Variants in OSBPL1A observed in about 807,000 individuals in gnomAD.
OSBPL1A encodes oxysterol-binding protein-related protein 1.
OSBPL1A carries 80 observed loss-of-function variants against 137.1 expected under a neutral mutation model. That is an observed-to-expected ratio of 0.58 (90% CI 0.49 to 0.70). OSBPL1A has a LOEUF of 0.70. Among genes scored for constraint, OSBPL1A ranks in the 30% least tolerant of loss-of-function variants. The pLI, the probability that OSBPL1A is intolerant of heterozygous loss-of-function variation, is 0.00. For missense variants in OSBPL1A, 970 were observed against 1,129.4 expected, an observed-to-expected ratio of 0.86 and a Z score of 2.02; for synonymous variants, 365 against 389.7, an observed-to-expected ratio of 0.94 and a Z score of 0.75.
chr18:24,334,966 T>G (rs1215092993), intron 5 of OSBPL1A, among the ~76,000 whole-genome samples: 1 of 152,126 alleles, frequency 6.6e-6, no homozygotes, highest in Non-Finnish European at 1.5e-5. Flanking sequence ...CATAGCTCAT[T>G]GCAGCTTCAA....
In OSBPL1A at chr18:24,282,878, G is replaced by A. The variant is rs115686986; in HGVS notation, c.1175-1930C>T. Among the ~76,000 whole-genome samples, 166 of 152,258 alleles carry A rather than the reference G, an allele frequency of 1.1e-3. 1 individual carries two copies. Among genetic ancestry groups the A allele is most frequent in the African/African-American group, 3.7e-3 (155 of 41,550 alleles). ...AATCCTCGCACTTTGAGAGGCCAAG[G>A]TAAAAGGATCACTTGAGGCCAGGAG... On this transcript the variant is annotated intron_variant, in intron 14 of 27. Coordinates refer to ENST00000319481, the MANE Select transcript of OSBPL1A (RefSeq NM_080597.4).
In OSBPL1A at chr18:24,177,503, C is replaced by T. The variant is rs191187533; in HGVS notation, c.2093+510G>A. Among the ~76,000 whole-genome samples, 15 of 152,182 alleles carry T rather than the reference C, an allele frequency of 9.9e-5. 1 individual carries two copies. The East Asian group carries it at 2.7e-3, about 27-fold the overall frequency. ...TTGGGTTGTTGCTTTGTCTTCTGTC[C>T]GGGGTATCTAGTTGTAATCAGTGTT... On this transcript the variant is annotated intron_variant, in intron 21 of 27. Transcript: ENST00000319481.
intron 15 of OSBPL1A, among the ~76,000 whole-genome samples, chr18:24,258,315 A>G (rs1487283347): frequency 6.6e-6 from 1 of 152,232 alleles, no homozygotes; most frequent in African/African-American, 2.4e-5. Context: ...TATCATTTGC[A>G]ACAACATGGA....
Position 24,339,129 on chromosome 18 carries a change from G to A in OSBPL1A, c.394+2418C>T, listed in dbSNP as rs142049602. Reference sequence around the variant, plus strand: ...TGGGATTACAGGTGTCCACTACTACGCCCAGCTAATTTTTGTATTTTTAGT... The same window carrying A: ...TGGGATTACAGGTGTCCACTACTACACCCAGCTAATTTTTGTATTTTTAGT... On this transcript the variant is annotated intron_variant, in intron 5 of 27. Transcript: ENST00000319481. Among the ~76,000 whole-genome samples, 816 of 152,134 alleles carry A rather than the reference G, an allele frequency of 5.4e-3. 6 individuals are homozygous for A. Among genetic ancestry groups the A allele is most frequent in the African/African-American group, 0.018 (749 of 41,502 alleles).
At chr18:24,356,892 G>A (rs1390999272) in intron 4 of OSBPL1A, among the ~76,000 whole-genome samples, 1 of 152,106 alleles carries the variant, frequency 6.6e-6, no homozygotes, top group African/African-American at 2.4e-5. Context: ...ACCAAATAGT[G>A]ACCCCAATTA....
At chr18:24,174,858 G>A (rs575880272) in intron 21 of OSBPL1A, among the ~76,000 whole-genome samples, 2 of 151,410 alleles carry the variant, frequency 1.3e-5, no homozygotes, top group African/African-American at 2.4e-5. Context: ...CTGCAGCCTC[G>A]AACTCCTCGG....
intron 21 of OSBPL1A, among the ~76,000 whole-genome samples, chr18:24,176,268 T>G (rs2086444149): frequency 6.6e-6 from 1 of 152,234 alleles, no homozygotes; most frequent in Non-Finnish European, 1.5e-5. Context: ...ACTGACATCT[T>G]AACTATAATT....
chr18:24,331,564 T>C (rs2091078746), intron 7 of OSBPL1A, among the ~76,000 whole-genome samples: 2 of 145,072 alleles, frequency 1.4e-5, no homozygotes, highest in African/African-American at 5.1e-5. Context: ...GCCCGGCTAA[T>C]TTTTTGTATT....
At chr18:24,168,013 T>A (rs557062207) in intron 24 of OSBPL1A, among the ~76,000 whole-genome samples, 3 of 152,318 alleles carry the variant, frequency 2.0e-5, no homozygotes, top group Admixed American at 2.0e-4. Flanking sequence ...TATCCACATT[T>A]AAGTCATTAT....
At chr18:24,391,507 G>C (rs542894974) in intron 1 of OSBPL1A, among the ~76,000 whole-genome samples, 2 of 149,578 alleles carry the variant, frequency 1.3e-5, no homozygotes, top group East Asian at 3.9e-4. Flanking sequence ...AGGATAGCCT[G>C]AGACCAGGAG....
chr18:24,164,490 G>GCCAT (rs2086097961), intron 27 of OSBPL1A, among the ~76,000 whole-genome samples: 1 of 141,248 alleles, frequency 7.1e-6, no homozygotes, highest in Non-Finnish European at 1.5e-5. Flanking sequence ...GTGCAGTGGC[G>GCCAT]CAATCTCAGC....
intron 20 of OSBPL1A, chr18:24,179,419 A>G (rs2086537235): frequency 3.3e-6 from 1 of 299,540 alleles, no homozygotes; most frequent in South Asian, 4.0e-5. Flanking sequence ...GTGCACATGT[A>G]CCCTAAAACT....
At chr18:24,300,619 C>T (rs2090381548) in intron 14 of OSBPL1A, among the ~76,000 whole-genome samples, 1 of 152,120 alleles carries the variant, frequency 6.6e-6, no homozygotes, top group Non-Finnish European at 1.5e-5. Context: ...ATATAGAACT[C>T]AACAAGTATG....
At position 24,165,112 on chromosome 18, in the gene OSBPL1A, T is replaced by C. The variant is rs1001104726; in HGVS notation, c.2703A>G (p.Arg901=). ...ACTTGGACCTGTTTTTGCGGGCTGC[T>C]CTTTGTTTTTCCTCAAGTCGTTTTT... ...EEKKRLEEKQ[R]AARKNRSKSE... The change falls in exon 27 of 28, where the codon AGA becomes AGG. Residue 901 remains arginine (R), a synonymous_variant. Transcript: ENST00000319481. 6.2e-7 allele frequency: 1 copy of C among 1,614,196 alleles called. No homozygotes were observed. Among genetic ancestry groups the C allele is most frequent in the South Asian group, 1.1e-5 (1 of 91,084 alleles).
intron 4 of OSBPL1A, among the ~76,000 whole-genome samples, chr18:24,359,396 ATG>A (rs1452721181): frequency 6.6e-6 from 1 of 151,712 alleles, no homozygotes; most frequent in Non-Finnish European, 1.5e-5. Context: ...CTCTGGAAGC[ATG>A]TGTTTTACAA....
At chr18:24,293,149 A>C in intron 14 of OSBPL1A, among the ~76,000 whole-genome samples, 1 of 151,238 alleles carries the variant, frequency 6.6e-6, no homozygotes, top group East Asian at 1.9e-4. Context: ...GAAAAAATTA[A>C]AACGTTAACT....
intron 7 of OSBPL1A, among the ~76,000 whole-genome samples, chr18:24,331,169 C>A (rs1267171285): frequency 8.5e-5 from 13 of 152,278 alleles, no homozygotes; most frequent in Non-Finnish European, 5.9e-5. Context: ...ATGCATTACT[C>A]TAGGTGCTGG....
chr18:24,302,245 A>C (rs1451691918), intron 14 of OSBPL1A: 1 of 151,414 alleles, frequency 6.6e-6, no homozygotes, highest in Non-Finnish European at 1.5e-5. Flanking sequence ...AGAAAAAAAA[A>C]AAAAAAAAGT....
intron 17 of OSBPL1A, among the ~76,000 whole-genome samples, chr18:24,218,145 T>C (rs1330380782): frequency 6.6e-6 from 1 of 152,160 alleles, no homozygotes; most frequent in East Asian, 1.9e-4. Flanking sequence ...CTAAATGACA[T>C]TTACAAGACA....
Sources: allele counts gnomAD v4.1 joint callset (sites outside exome capture counted in the v4.1 genomes callset), GRCh38; gene constraint gnomAD v4.1.1; transcripts MANE v1.5; gene names NCBI Gene and HGNC (gene_info 2026-07-23, HGNC 2026-07-21).